ITPR3: variants seen among roughly 807,000 people sequenced by gnomAD.
ITPR3 encodes inositol 1,4,5-trisphosphate receptor type 3, also known as inositol 1,4,5-trisphosphate-gated calcium channel ITPR3.
A neutral mutation model predicts 293.2 loss-of-function variants in ITPR3; 173 were observed. That is an observed-to-expected ratio of 0.59 (90% CI 0.52 to 0.67). ITPR3 has a LOEUF of 0.67. Ranked by LOEUF, ITPR3 falls within the 30% of genes least tolerant of loss-of-function variation. The pLI is 0.00. For missense variants in ITPR3, 2,796 were observed against 3,592.1 expected (o/e 0.78, Z 5.66); for synonymous variants, 1,295 against 1,444.4 (o/e 0.90, Z 2.35).
In ITPR3 at chr6:33,658,058, T is replaced by A; in HGVS notation, c.369+40T>A. ...CCTCTCTCCCGCCTGCCCCTCTCCC[T>A]GCCTAAGAGGCTGGGCTGGTGCTGG... On this transcript the variant is annotated intron_variant, in intron 4 of 57. Transcript: ENST00000605930. This position sits in a 1 kb window ranked among gnomAD's most constrained non-coding sequence, Gnocchi z 6.1. 1.9e-6 allele frequency: 3 copies of A among 1,540,346 alleles called. No individual in the cohort carries two copies. Among genetic ancestry groups the A allele is most frequent in the South Asian group, 1.1e-5 (1 of 88,490 alleles).
At chr6:33,693,854 A>C in intron 56 of ITPR3, 149 bp downstream of exon 56, 1 of 900,614 alleles carries the variant, frequency 1.1e-6, no homozygotes, top group Non-Finnish European at 1.7e-6. Flanking sequence ...CTAGGAGGCC[A>C]GGCAGAGGGG....
Position 33,652,483 on chromosome 6 carries a change from C to T in ITPR3, c.161-3283C>T, listed in dbSNP as rs549850126. The stretch of plus-strand genomic sequence containing the variant: ...TATTTTTATTTTTTATTTTTTGGGA[C>T]GAAGTCTTGCTCTGTCACCCAGGCT... On this transcript the variant is annotated intron_variant, in intron 2 of 57. Transcript: ENST00000605930. Among the ~76,000 whole-genome samples, 56 of 152,118 alleles carry T rather than the reference C, an allele frequency of 3.7e-4. 1 individual carries two copies. The South Asian group carries it at 3.9e-3, about 11-fold the overall frequency.
chr6:33,667,116 T>C lies in ITPR3; in HGVS notation c.1552-13T>C, dbSNP rs973343198. The C allele has an allele frequency of 1.1e-5, 17 of 1,612,772 alleles. No homozygotes were observed. The highest frequency in any genetic ancestry group is 4.0e-5 in the African/African-American group (3 of 74,910). On this transcript the variant is annotated splice_polypyrimidine_tract_variant and intron_variant, in intron 14 of 57. Coordinates refer to ENST00000605930, the MANE Select transcript of ITPR3 (RefSeq NM_002224.4). This position sits in a 1 kb window ranked among gnomAD's most constrained non-coding sequence, Gnocchi z 4.4. ...TGTTGGGGAATCAGTCCTCACCCTC[T>C]GTATTCCCCCAGGTCTTTGGCATTC...
Position 33,658,711 on chromosome 6 carries a change from G to A in ITPR3, c.411G>A (p.Lys137=). 1.2e-6 allele frequency: 2 copies of A among 1,614,210 alleles called. No individual in the cohort carries two copies. The highest frequency in any genetic ancestry group is 1.7e-6 in the Non-Finnish European group (2 of 1,180,028). ...MKSNKYLTVN[K]RLPALLEKNA... Reference sequence around the variant, plus strand: ...GCAACAAGTACCTGACAGTGAACAAGCGGCTTCCGGCCTTGCTGGAGAAGA... The same window carrying A: ...GCAACAAGTACCTGACAGTGAACAAACGGCTTCCGGCCTTGCTGGAGAAGA... Residue 137 remains lysine, a synonymous_variant, in exon 5 of 58, where the codon AAG becomes AAA. Transcript: ENST00000605930. The surrounding 1 kb of genome is among the most constrained non-coding windows in gnomAD (Gnocchi z 6.1).
chr6:33,635,794 G>A (rs1377910632), intron 1 of ITPR3, among the ~76,000 whole-genome samples: 1 of 150,814 alleles, frequency 6.6e-6, no homozygotes, highest in African/African-American at 2.4e-5. Flanking sequence ...TCCCCTGGGG[G>A]ATTGAGGAGC....
Position 33,695,740 on chromosome 6 carries a change from G to C in ITPR3, c.7976G>C (p.Arg2659Pro). ...QMTEQRKRRQ[R>P]LGFVDVQNCI... ...ACGGAGCAGCGGAAACGCAGGCAAC[G>C]CCTAGGCTTTGTGGATGTCCAGAAC... The change falls in exon 58 of 58, where the codon CGC becomes CCC. Residue 2659 changes from arginine (R) to proline (P), a missense_variant. By Grantham distance (103) the Arg-to-Pro change is moderately radical. This residue lies in a region of ITPR3 where 568 missense variants were observed against 796.1 expected (regional missense o/e 0.71). Transcript: ENST00000605930. 6.2e-7 allele frequency: 1 copy of C among 1,614,156 alleles called. No individual in the cohort carries two copies. The highest frequency in any genetic ancestry group is 8.5e-7 in the Non-Finnish European group (1 of 1,180,034).
In ITPR3 at chr6:33,687,559, T is replaced by C. The variant is rs1261811832; in HGVS notation, c.6259T>C (p.Ser2087Pro). 5 of 1,512,808 alleles carry C rather than the reference T, an allele frequency of 3.3e-6. No individual in the cohort carries two copies. Among genetic ancestry groups the C allele is most frequent in the Non-Finnish European group, 2.7e-6 (3 of 1,093,968 alleles). The allele number at this position is 1,512,808 out of a possible 1,614,324, so 93.7% of individuals were successfully genotyped here. Reference sequence around the variant, plus strand: ...AGAGGAGGAGGCCGAGGGTATCTCTTCCATGGTGGGTGCTGGCCCCGAGAC... The same window carrying C: ...AGAGGAGGAGGCCGAGGGTATCTCTCCCATGGTGGGTGCTGGCCCCGAGAC... The part of the protein sequence containing the change: ...IQEEEAEGIS[S>P]MLSLNNKQLS... Residue 2087 changes from serine (S) to proline (P), a missense_variant, in exon 46 of 58, where the codon TCC (serine) becomes CCC (proline). This residue lies in a region of ITPR3 where 568 missense variants were observed against 796.1 expected (regional missense o/e 0.71). Transcript: ENST00000605930. The surrounding 1 kb of genome is among the most constrained non-coding windows in gnomAD (Gnocchi z 5.3).
chr6:33,652,620 C>A (rs1830873), intron 2 of ITPR3, among the ~76,000 whole-genome samples: 1 of 151,734 alleles, frequency 6.6e-6, no homozygotes, highest in African/African-American at 2.4e-5. Flanking sequence ...TGCGTGCCAC[C>A]ATGCCCGACT....
chr6:33,659,873 C>T (rs1764414996), intron 7 of ITPR3, among the ~76,000 whole-genome samples: 1 of 152,148 alleles, frequency 6.6e-6, no homozygotes, highest in Non-Finnish European at 1.5e-5. Flanking sequence ...CTTCCTCTCC[C>T]CAACTCCTGC....
Position 33,693,709 on chromosome 6 carries a change from T to C in ITPR3, c.7785+4T>C. On this transcript the variant is annotated splice_donor_region_variant and intron_variant, in intron 56 of 57. Coordinates refer to ENST00000605930, the MANE Select transcript of ITPR3 (RefSeq NM_002224.4). The stretch of plus-strand genomic sequence containing the variant: ...CTACGTGGCCCAGATGATCAAGGTG[T>C]GAGCAGGGGCTGTGCCAGGCCTGTG... 1 of 1,613,846 alleles carries C rather than the reference T, an allele frequency of 6.2e-7. No homozygotes were observed. The highest frequency in any genetic ancestry group is 8.5e-7 in the Non-Finnish European group (1 of 1,179,892).
chr6:33,631,248 G>T (rs1215263601), intron 1 of ITPR3, among the ~76,000 whole-genome samples: 1 of 152,186 alleles, frequency 6.6e-6, no homozygotes, highest in Non-Finnish European at 1.5e-5. Context: ...AAGAGATAAA[G>T]AAAAAACACC....
rs1414890383 is a variant in ITPR3 at position 33,677,557 on chromosome 6, G to A, written c.3576G>A (p.Lys1192=). The A allele has an allele frequency of 9.9e-6, 16 of 1,614,098 alleles. No homozygotes were observed. The highest frequency in any genetic ancestry group is 1.4e-5 in the Non-Finnish European group (16 of 1,179,980). Residue 1192 remains lysine (K), a synonymous_variant, in exon 28 of 58, where the codon AAG becomes AAA. Transcript: ENST00000605930. Reference sequence around the variant, plus strand: ...GGGTTGGGGAGCAAATGAGGAAGAAGCAGCAACGGCTGCTGAAGAACATGG... The same window carrying A: ...GGGTTGGGGAGCAAATGAGGAAGAAACAGCAACGGCTGCTGAAGAACATGG... ...MCGVGEQMRK[K]QQRLLKNMDA...
rs1348315789 is a variant in ITPR3 at position 33,621,579 on chromosome 6, C to T, written c.-24C>T. Reference sequence around the variant, plus strand: ...ACGCGCCCCTAGGCGCCCCCCACGCCCTGGGCCCCGGAGGGCCGCAGCCAT... The same window carrying T: ...ACGCGCCCCTAGGCGCCCCCCACGCTCTGGGCCCCGGAGGGCCGCAGCCAT... On this transcript the variant is annotated 5_prime_UTR_variant, in exon 1 of 58. Transcript: ENST00000605930. This position sits in a 1 kb window ranked among gnomAD's most constrained non-coding sequence, Gnocchi z 7.7. The T allele has an allele frequency of 3.2e-6, 5 of 1,561,016 alleles. No individual in the cohort carries two copies. The highest frequency in any genetic ancestry group is 4.4e-6 in the Non-Finnish European group (5 of 1,148,812).
At chr6:33,651,911 C>G (rs1282682575) in intron 2 of ITPR3, among the ~76,000 whole-genome samples, 1 of 152,174 alleles carries the variant, frequency 6.6e-6, no homozygotes, top group Non-Finnish European at 1.5e-5. Flanking sequence ...TTAGGTGAGT[C>G]AAGGTCGGAA....
At chr6:33,628,901 A>G (rs1037106970) in intron 1 of ITPR3, among the ~76,000 whole-genome samples, 3 of 152,212 alleles carry the variant, frequency 2.0e-5, no homozygotes, top group African/African-American at 7.2e-5. Flanking sequence ...CTTCCTGCAC[A>G]GTGCAGGAGA....
chr6:33,672,950 C>T lies in ITPR3; in HGVS notation c.2929-641C>T, dbSNP rs570039908. Among the ~76,000 whole-genome samples, 159 of 152,284 alleles carry T rather than the reference C, an allele frequency of 1.0e-3. 1 individual carries two copies. Among genetic ancestry groups the T allele is most frequent in the African/African-American group, 3.7e-3 (155 of 41,548 alleles). ...ATGCTTGCTTTTGCCTTGCTGTCAC[C>T]GGAGGGCAGGAAGGGTAGTGCAGTG... On this transcript the variant is annotated intron_variant, in intron 22 of 57. Coordinates refer to ENST00000605930, the MANE Select transcript of ITPR3 (RefSeq NM_002224.4). This position sits in a 1 kb window ranked among gnomAD's most constrained non-coding sequence, Gnocchi z 5.0.
chr6:33,630,411 C>G (rs1475415997), intron 1 of ITPR3, among the ~76,000 whole-genome samples: 1 of 152,186 alleles, frequency 6.6e-6, no homozygotes, highest in Non-Finnish European at 1.5e-5. Context: ...GAGTCCAGTT[C>G]TGGGTTATGG....
At chr6:33,677,232 A>G (rs1263649126) in intron 27 of ITPR3, 143 bp downstream of exon 27, 4 of 831,412 alleles carry the variant, frequency 4.8e-6, no homozygotes, top group African/African-American at 3.4e-5. Context: ...TGCACATTAA[A>G]AACAGCCCTG....
intron 1 of ITPR3, among the ~76,000 whole-genome samples, chr6:33,627,379 T>G (rs1480326318): frequency 6.6e-6 from 1 of 152,264 alleles, no homozygotes; most frequent in South Asian, 2.1e-4. Context: ...AATATCAAAC[T>G]GCACGTATGG....
Sources: gnomAD v4.1 joint callset for allele counts (sites outside exome capture counted in the v4.1 genomes callset) on GRCh38, gnomAD v4.1.1 for gene constraint, gnomAD v4.1.1 regional missense constraint, Gnocchi (gnomAD v3.1) non-coding constraint, MANE v1.5 for transcripts, NCBI Gene and HGNC (gene_info 2026-07-23, HGNC 2026-07-21) for gene names.